The following PLD2 variants were observed in gnomAD, a reference collection of about 807,000 sequenced individuals.
PLD2 encodes the protein phospholipase D2, also known as choline phosphatase 2.
PLD2 carries 101 observed loss-of-function variants against 119.8 expected under a neutral mutation model. The observed-to-expected ratio is 0.84, with a 90% CI of 0.72 to 0.99. The LOEUF is 0.99. PLD2 is among the 50% of genes least tolerant of loss of function. The pLI, the probability that PLD2 is intolerant of heterozygous loss-of-function variation, is 0.00. For synonymous variants in PLD2, 494 were observed against 482.8 expected (o/e 1.02, Z -0.30); for missense variants, 1,164 against 1,226.8 (o/e 0.95, Z 0.76).
intron 17 of PLD2, 188 bp from the exon 18 acceptor site, chr17:4,817,814 C>T (rs1213726256): frequency 8.2e-6 from 4 of 485,344 alleles, no homozygotes; most frequent in East Asian, 3.9e-5. Context: ...AAAAATTAGC[C>T]GGGAGTGGTG....
At chr17:4,813,327 A>G (rs1189198001) in intron 10 of PLD2, among the ~76,000 whole-genome samples, 1 of 152,156 alleles carries the variant, frequency 6.6e-6, no homozygotes, top group Non-Finnish European at 1.5e-5. Context: ...ATATTTTCAC[A>G]TGTGCATGCA....
chr17:4,808,153 G>A lies in PLD2; in HGVS notation c.240+39G>A, dbSNP rs1446158078. 1 of 1,593,974 alleles carries A rather than the reference G, an allele frequency of 6.3e-7. No homozygotes were observed. The highest frequency in any genetic ancestry group is 1.1e-5 in the South Asian group (1 of 89,588). The stretch of plus-strand genomic sequence containing the variant: ...CCCCAGGGAGGGGGAAAGGGAGGGC[G>A]GCCCGGAATGGATCCAAGGTGGCTG... On this transcript the variant is annotated intron_variant, in intron 3 of 24. Transcript: ENST00000263088. The surrounding 1 kb of genome is among the most constrained non-coding windows in gnomAD (Gnocchi z 4.1).
In PLD2 at chr17:4,809,889, G is replaced by A; in HGVS notation, c.720G>A (p.Val240=). ...CYRWSKRWLV[V]KDSFLLYMCL... ...CCTTCTGCTCTAGGTGGCTGGTGGT[G>A]AAGGACTCCTTCCTGCTGTACATGT... is the stretch of plus-strand genomic sequence containing the variant. Residue 240 remains valine, a synonymous_variant, in exon 9 of 25, where the codon GTG becomes GTA. Coordinates refer to ENST00000263088, the MANE Select transcript of PLD2 (RefSeq NM_002663.5). 6.2e-7 allele frequency: 1 copy of A among 1,614,202 alleles called. No homozygotes were observed. Among genetic ancestry groups the A allele is most frequent in the Middle Eastern group, 1.7e-4 (1 of 6,054 alleles).
intron 12 of PLD2, among the ~76,000 whole-genome samples, chr17:4,815,247 A>ATGGATGGATGATGAAGGGTGGG (rs1906853646): frequency 1.3e-5 from 2 of 151,896 alleles, no homozygotes. Flanking sequence ...GGGAAGATGG[A>ATGGATGGATGATGAAGGGTGGG]TGGATGGATG....
chr17:4,813,744 A>G (rs1906695192), intron 10 of PLD2, among the ~76,000 whole-genome samples: 1 of 152,156 alleles, frequency 6.6e-6, no homozygotes, highest in Non-Finnish European at 1.5e-5. Context: ...CTGTAATTTC[A>G]GTTACTTGGG....
At chr17:4,822,533 C>CG (rs1362613809) in intron 24 of PLD2, 107 bp from the exon 25 acceptor site, 3 of 684,062 alleles carry the variant, frequency 4.4e-6, no homozygotes, top group Admixed American at 5.6e-5. Context: ...CCAGGGTCAA[C>CG]GGGGGGTATG....
rs926452200 is a variant in PLD2 at position 4,809,684 on chromosome 17, C to G, written c.615-7C>G. On this transcript the variant is annotated splice_polypyrimidine_tract_variant and splice_region_variant and intron_variant, in intron 7 of 24. Transcript: ENST00000263088. ...TCATCCCGCCTCTCTTCCTGATTGT[C>G]CCACAGGGAGGGGATGATCCGGAAG... 5 of 1,614,004 alleles carry G rather than the reference C, an allele frequency of 3.1e-6. No individual in the cohort carries two copies. The highest frequency in any genetic ancestry group is 4.2e-6 in the Non-Finnish European group (5 of 1,179,898).
Position 4,818,021 on chromosome 17 carries a change from G to A in PLD2, c.1835G>A (p.Arg612His), listed in dbSNP as rs199707726. The change falls in exon 18 of 25, where the codon CGC (arginine) becomes CAC (histidine). Residue 612 changes from arginine to histidine, a missense_variant. Transcript: ENST00000263088. ...TTVQVLRSVDRWSAGTLENSI... is the reference protein window; with the variant it reads ...TTVQVLRSVDHWSAGTLENSI... ...CCCTAGGTCTTGCGATCAGTGGACC[G>A]CTGGTCAGCAGGGACTCTGGAGAAC... is the stretch of plus-strand genomic sequence containing the variant. 4.2e-5 allele frequency: 68 copies of A among 1,613,146 alleles called. No individual in the cohort carries two copies. Among genetic ancestry groups the A allele is most frequent in the Non-Finnish European group, 5.0e-5 (59 of 1,179,086 alleles).
chr17:4,822,446 C>T (rs1377772906), intron 24 of PLD2, among the ~76,000 whole-genome samples, 194 bp from the exon 25 acceptor site: 2 of 151,032 alleles, frequency 1.3e-5, no homozygotes, highest in Non-Finnish European at 2.9e-5. Context: ...GAGCCGAGAT[C>T]GCACCATTGC....
intron 17 of PLD2, 136 bp downstream of exon 17, chr17:4,817,395 G>A: frequency 1.4e-6 from 1 of 702,734 alleles, no homozygotes; most frequent in Admixed American, 2.1e-5. Flanking sequence ...AGGCACGGTG[G>A]CTCACGCCTA....
At position 4,820,734 on chromosome 17, in the gene PLD2, G is replaced by A. The variant is rs192219598; in HGVS notation, c.2463-1059G>A. On this transcript the variant is annotated intron_variant, in intron 23 of 24. Transcript: ENST00000263088. ...TGGGACTACAGGCACCCGCCACCTCGCCCGGCTAATTTTTTGTATTTTTAG... is the reference window on the plus strand; with the variant it reads ...TGGGACTACAGGCACCCGCCACCTCACCCGGCTAATTTTTTGTATTTTTAG... Among the ~76,000 whole-genome samples, 550 of 148,680 alleles carry A rather than the reference G, an allele frequency of 3.7e-3. 1 individual carries two copies. Among genetic ancestry groups the A allele is most frequent in the African/African-American group, 0.013 (516 of 40,336 alleles).
In PLD2 at chr17:4,818,839, T is replaced by C. The variant is rs1294368705; in HGVS notation, c.2173+16T>C. On this transcript the variant is annotated intron_variant, in intron 21 of 24. Coordinates refer to ENST00000263088, the MANE Select transcript of PLD2 (RefSeq NM_002663.5). ...AAAGCAGCCAGTGAGTGCTGGGGGC[T>C]GGGGGCTCAAGCCCTGGGCCCCTGG... 3 of 1,612,832 alleles carry C rather than the reference T, an allele frequency of 1.9e-6. No individual in the cohort carries two copies. Among genetic ancestry groups the C allele is most frequent in the Non-Finnish European group, 1.7e-6 (2 of 1,178,946 alleles).
At chr17:4,811,828 T>C (rs151294519) in intron 10 of PLD2, among the ~76,000 whole-genome samples, 1 of 152,218 alleles carries the variant, frequency 6.6e-6, no homozygotes, top group East Asian at 1.9e-4. Flanking sequence ...TGTTGGTTTT[T>C]GTTGGAGACA....
In PLD2 at chr17:4,808,141, G is replaced by T; in HGVS notation, c.240+27G>T. 1 of 1,599,216 alleles carries T rather than the reference G, an allele frequency of 6.3e-7. No individual in the cohort carries two copies. The highest frequency in any genetic ancestry group is 8.6e-7 in the Non-Finnish European group (1 of 1,168,666). On this transcript the variant is annotated intron_variant, in intron 3 of 24. Coordinates refer to ENST00000263088, the MANE Select transcript of PLD2 (RefSeq NM_002663.5). This position sits in a 1 kb window ranked among gnomAD's most constrained non-coding sequence, Gnocchi z 4.1. ...TGGCCAGACTGGCCCCAGGGAGGGG[G>T]AAAGGGAGGGCGGCCCGGAATGGAT...
intron 10 of PLD2, among the ~76,000 whole-genome samples, chr17:4,812,167 C>T (rs1250391968): frequency 1.3e-5 from 2 of 148,644 alleles, no homozygotes; most frequent in Non-Finnish European, 3.0e-5. Flanking sequence ...CCCAGGCTAG[C>T]GTGCAGTGGC....
chr17:4,812,616 C>T (rs1450458867), intron 10 of PLD2, among the ~76,000 whole-genome samples: 1 of 152,062 alleles, frequency 6.6e-6, no homozygotes, highest in Non-Finnish European at 1.5e-5. Context: ...ACAGCCAAAA[C>T]CAATCCACAG....
chr17:4,815,659 C>T (rs765289423), intron 13 of PLD2, 73 bp downstream of exon 13: 34 of 1,588,740 alleles, frequency 2.1e-5, no homozygotes, highest in African/African-American at 2.7e-5. Flanking sequence ...CCAGCGCTCC[C>T]GCTCCCTGAT....
chr17:4,816,814 A>G lies in PLD2; in HGVS notation c.1582+68A>G, dbSNP rs1376934851. ...GGGTCAGAAGCTGGGGCTGGTACTG[A>G]GAGTGGGATGAGAGGGGTCAACGGT... On this transcript the variant is annotated intron_variant, in intron 15 of 24. Coordinates refer to ENST00000263088, the MANE Select transcript of PLD2 (RefSeq NM_002663.5). 3.1e-6 allele frequency: 5 copies of G among 1,610,778 alleles called. No individual in the cohort carries two copies. The African/African-American group carries it at 6.7e-5, about 22-fold the overall frequency.
rs1737534284 is a variant in PLD2 at position 4,819,703 on chromosome 17, T to C, written c.2462+121T>C. 1.0e-6 allele frequency: 1 copy of C among 983,280 alleles called. No homozygotes were observed. Among genetic ancestry groups the C allele is most frequent in the South Asian group, 1.7e-5 (1 of 59,088 alleles). The allele number at this position is 983,280 out of a possible 1,614,324, so 60.9% of individuals were successfully genotyped here. The stretch of plus-strand genomic sequence containing the variant: ...GCCAGAGGTAGAGGCAGTACTAGAT[T>C]CTCAATAGGCAAGGCTGGGCGCGGC... On this transcript the variant is annotated intron_variant, in intron 23 of 24. Coordinates refer to ENST00000263088, the MANE Select transcript of PLD2 (RefSeq NM_002663.5). This position sits in a 1 kb window ranked among gnomAD's most constrained non-coding sequence, Gnocchi z 4.2.
Sources: allele counts gnomAD v4.1 joint callset (sites outside exome capture counted in the v4.1 genomes callset), GRCh38; gene constraint gnomAD v4.1.1; non-coding constraint Gnocchi (gnomAD v3.1); transcripts MANE v1.5; gene names NCBI Gene and HGNC (gene_info 2026-07-23, HGNC 2026-07-21).